Variants in NPAS3 observed in about 807,000 individuals in gnomAD.
NPAS3 encodes neuronal PAS domain-containing protein 3.
In NPAS3, 14 loss-of-function variants were observed where a neutral mutation model predicts 73.1. The ratio of observed to expected loss-of-function variants is 0.19; its 90% CI spans 0.13 to 0.30. The LOEUF is 0.30. NPAS3 is among the 10% of genes least tolerant of loss of function. The pLI is 1.00. For synonymous variants in NPAS3, 620 were observed against 541.5 expected, an observed-to-expected ratio of 1.14 and a Z score of -2.01; for missense variants, 1,096 against 1,250.0, an observed-to-expected ratio of 0.88 and a Z score of 1.86.
intron 2 of NPAS3, among the ~76,000 whole-genome samples, chr14:33,199,201 G>A (rs1057012496): frequency 2.6e-5 from 4 of 152,192 alleles, no homozygotes; most frequent in African/African-American, 4.8e-5. Context: ...GTGCAGATGC[G>A]GGCTGAAGGG....
intron 5 of NPAS3, among the ~76,000 whole-genome samples, chr14:33,617,480 C>T (rs1695857583): frequency 6.6e-6 from 1 of 152,088 alleles, no homozygotes; most frequent in Admixed American, 6.5e-5. Flanking sequence ...AGAGTATTTG[C>T]CAGGATTAAG....
intron 3 of NPAS3, among the ~76,000 whole-genome samples, chr14:33,329,445 C>T (rs369706090): frequency 9.9e-5 from 15 of 152,182 alleles, no homozygotes; most frequent in African/African-American, 3.4e-4. Flanking sequence ...TCTGGGTTGG[C>T]GTTTGGATTG....
In NPAS3 at chr14:32,986,134, A is replaced by C. The variant is rs992951206; in HGVS notation, c.50+46768A>C. Among the ~76,000 whole-genome samples the C allele has an allele frequency of 4.6e-5, 7 of 152,234 alleles. No homozygotes were observed. In the East Asian group the frequency reaches 1.4e-3, roughly 30 times the overall value. On this transcript the variant is annotated intron_variant, in intron 1 of 11. Transcript: ENST00000356141. ...TTTGGATGTGTTGCATCATTTTAGA[A>C]ATCATGGCTGGGGCTCTAGCTTTAA...
chr14:32,975,680 T>G (rs945336361), intron 1 of NPAS3, among the ~76,000 whole-genome samples: 1 of 152,114 alleles, frequency 6.6e-6, no homozygotes, highest in African/African-American at 2.4e-5. Flanking sequence ...TGAATACATG[T>G]TTTAGTAGAG....
chr14:33,054,787 TA>T (rs2040826916), intron 1 of NPAS3, among the ~76,000 whole-genome samples: 1 of 152,092 alleles, frequency 6.6e-6, no homozygotes, highest in Admixed American at 6.6e-5. Flanking sequence ...TAATTTTTTG[TA>T]TTTTTAGTAG....
chr14:33,664,100 G>GC (rs147800163), intron 5 of NPAS3, among the ~76,000 whole-genome samples: 3,381 of 152,136 alleles, frequency 0.022, 127 homozygotes, highest in African/African-American at 0.076. Context: ...GAGACATCAT[G>GC]CCACCTGACT....
intron 2 of NPAS3, among the ~76,000 whole-genome samples, chr14:33,098,407 TGAC>T (rs1300801695): frequency 6.6e-6 from 1 of 152,166 alleles, no homozygotes; most frequent in Non-Finnish European, 1.5e-5. Flanking sequence ...ACAATGATGA[TGAC>T]AATGGTGAAT....
intron 4 of NPAS3, among the ~76,000 whole-genome samples, chr14:33,473,669 T>C (rs1472381158): frequency 6.6e-6 from 1 of 152,090 alleles, no homozygotes; most frequent in East Asian, 1.9e-4. Context: ...TTGAGTGTAA[T>C]GGGAAGAGAG....
At chr14:33,684,377 T>A (rs2060029257) in intron 6 of NPAS3, among the ~76,000 whole-genome samples, 1 of 152,138 alleles carries the variant, frequency 6.6e-6, no homozygotes, top group African/African-American at 2.4e-5. Flanking sequence ...AGTGGCACAA[T>A]CTCGGCTCAC....
chr14:33,733,319 A>C (rs1407220230), intron 6 of NPAS3, among the ~76,000 whole-genome samples: 7 of 152,122 alleles, frequency 4.6e-5, no homozygotes, highest in Non-Finnish European at 1.0e-4. Context: ...GGAGGAAAAA[A>C]AAAAAAAGGA....
chr14:32,946,348 G>GCGCGCACA (rs1233572564), intron 1 of NPAS3, among the ~76,000 whole-genome samples: 17 of 139,314 alleles, frequency 1.2e-4, no homozygotes, highest in African/African-American at 4.4e-4. Context: ...ACACACACGC[G>GCGCGCACA]CACACACACA....
intron 2 of NPAS3, among the ~76,000 whole-genome samples, chr14:33,120,470 ACTT>A (rs2043197459): frequency 6.6e-6 from 1 of 152,120 alleles, no homozygotes; most frequent in Non-Finnish European, 1.5e-5. Context: ...GTGTCATATC[ACTT>A]CTTAAGTGGT....
intron 2 of NPAS3, among the ~76,000 whole-genome samples, chr14:33,092,973 A>G (rs996391658): frequency 2.1e-4 from 32 of 152,370 alleles, no homozygotes; most frequent in African/African-American, 7.5e-4. Flanking sequence ...TTAATTCAAG[A>G]TGGATCAAAG....
At chr14:33,066,588 AAATAC>A (rs2041289177) in intron 2 of NPAS3, among the ~76,000 whole-genome samples, 2 of 152,190 alleles carry the variant, frequency 1.3e-5, no homozygotes, top group Non-Finnish European at 2.9e-5. Context: ...CTTGTACCAC[AAATAC>A]CTTTATTGGG....
chr14:33,215,699 T>C, intron 3 of NPAS3: 1 of 649,044 alleles, frequency 1.5e-6, no homozygotes, highest in Non-Finnish European at 2.7e-6. Flanking sequence ...CACATTAAAA[T>C]GCTTCTTGGG....
chr14:33,205,961 C>A (rs979649741), intron 2 of NPAS3, among the ~76,000 whole-genome samples: 2 of 152,052 alleles, frequency 1.3e-5, no homozygotes, highest in Non-Finnish European at 2.9e-5. Flanking sequence ...AATTTGAATT[C>A]CAAAGCAATT....
intron 2 of NPAS3, among the ~76,000 whole-genome samples, chr14:33,102,077 G>A (rs535553022): frequency 5.1e-4 from 78 of 152,206 alleles, no homozygotes; most frequent in African/African-American, 1.8e-3. Context: ...TGCCAGCTTA[G>A]GCCAGCATCA....
rs1301414085 is a variant in NPAS3 at position 33,560,515 on chromosome 14, G to C, written c.558+305G>C. 4 of 231,066 alleles carry C rather than the reference G, an allele frequency of 1.7e-5. No homozygotes were observed. In the East Asian group the frequency reaches 3.7e-4, roughly 22 times the overall value. The allele number at this position is 231,066 out of a possible 1,614,324, so 14.3% of individuals were successfully genotyped here. ...AACTTTGAAACCTCTGTGCCCAGTA[G>C]GAGAGGGACACACTAATAGTGCTTC... is the stretch of plus-strand genomic sequence containing the variant. On this transcript the variant is annotated intron_variant, in intron 5 of 11. Transcript: ENST00000356141.
chr14:33,261,487 ACT>A (rs2048976051), intron 3 of NPAS3, among the ~76,000 whole-genome samples: 1 of 151,994 alleles, frequency 6.6e-6, no homozygotes, highest in African/African-American at 2.4e-5. Context: ...AAAGATAGTA[ACT>A]CTTCAGAAAA....
Sources: gnomAD v4.1 joint callset for allele counts (sites outside exome capture counted in the v4.1 genomes callset) on GRCh38, gnomAD v4.1.1 for gene constraint, MANE v1.5 for transcripts, NCBI Gene and HGNC (gene_info 2026-07-23, HGNC 2026-07-21) for gene names.